NALCN: variants seen among roughly 807,000 people sequenced by gnomAD.
NALCN encodes sodium leak channel, non-selective.
Under a neutral mutation model 225.3 loss-of-function variants are expected in NALCN, and 111 were observed. The ratio of observed to expected loss-of-function variants is 0.49; its 90% confidence interval spans 0.42 to 0.58. The LOEUF is 0.58. Ranked by LOEUF, NALCN falls within the 20% of genes least tolerant of loss-of-function variation. The pLI, the probability that NALCN is intolerant of heterozygous loss-of-function variation, is 0.00. For missense variants in NALCN, 1,378 were observed against 2,202.4 expected (o/e 0.63, Z 7.49); for synonymous variants, 764 against 769.0 (o/e 0.99, Z 0.11).
In NALCN at chr13:101,059,841, G is replaced by A; in HGVS notation, c.4882C>T (p.Gln1628Ter). 1 of 1,614,066 alleles carries A rather than the reference G, an allele frequency of 6.2e-7. No individual in the cohort carries two copies. The highest frequency in any genetic ancestry group is 8.5e-7 in the Non-Finnish European group (1 of 1,180,026). ...QPSEDTNANS[Q>*]DNSMQPETSS... ...ACCTCAGGTTGCATGCTGTTGTCCT[G>A]ACTGTTGGCATTCGTGTCCTCACTG... The change falls in exon 42 of 44, where the codon CAG becomes TAG. Residue 1628 changes from glutamine (Q) to a stop codon, truncating the protein, a stop_gained. Transcript: ENST00000251127. LOFTEE classifies it high-confidence loss of function.
chr13:101,189,200 C>T (rs2039579610), intron 14 of NALCN, among the ~76,000 whole-genome samples: 1 of 151,880 alleles, frequency 6.6e-6, no homozygotes, highest in Non-Finnish European at 1.5e-5. Flanking sequence ...GAAATATGTT[C>T]TAAAAATTGG....
chr13:101,366,101 T>G (rs1019968768), intron 6 of NALCN, among the ~76,000 whole-genome samples: 3 of 152,158 alleles, frequency 2.0e-5, no homozygotes, highest in Non-Finnish European at 4.4e-5. Flanking sequence ...ACAGTTGGTA[T>G]TTCACAACAC....
chr13:101,135,614 G>A (rs550994869), intron 17 of NALCN, among the ~76,000 whole-genome samples: 3 of 152,174 alleles, frequency 2.0e-5, no homozygotes, highest in East Asian at 3.9e-4. Flanking sequence ...GGATGGTCTC[G>A]AACTCCTGAG....
chr13:101,236,657 C>A (rs554914385), intron 12 of NALCN, among the ~76,000 whole-genome samples: 1 of 150,818 alleles, frequency 6.6e-6, no homozygotes, highest in African/African-American at 2.4e-5. Flanking sequence ...AGTAAACTAT[C>A]GCAAGAACAA....
intron 1 of NALCN, among the ~76,000 whole-genome samples, chr13:101,414,504 T>A (rs531299634): frequency 1.3e-5 from 2 of 151,502 alleles, no homozygotes; most frequent in African/African-American, 4.9e-5. Context: ...ATAAAACAAA[T>A]GTGTACATTT....
intron 26 of NALCN, among the ~76,000 whole-genome samples, chr13:101,102,752 T>C (rs2034890393): frequency 6.6e-6 from 1 of 152,238 alleles, no homozygotes; most frequent in Admixed American, 6.5e-5. Context: ...AGACAAATTC[T>C]GTGCTATATT....
At chr13:101,100,760 A>G (rs751885925) in intron 27 of NALCN, 24 bp downstream of exon 27, 4 of 1,575,526 alleles carry the variant, frequency 2.5e-6, no homozygotes, top group Non-Finnish European at 3.4e-6. Flanking sequence ...TTTTTATTTC[A>G]AAAGACAGAA....
At chr13:101,199,504 A>G (rs1383290649) in intron 13 of NALCN, among the ~76,000 whole-genome samples, 1 of 151,704 alleles carries the variant, frequency 6.6e-6, no homozygotes, top group East Asian at 1.9e-4. Context: ...TTGTAGGGAC[A>G]TGGATGAAGC....
chr13:101,148,091 C>T (rs553210732), intron 15 of NALCN, among the ~76,000 whole-genome samples: 33 of 152,048 alleles, frequency 2.2e-4, no homozygotes, highest in Admixed American at 4.6e-4. Flanking sequence ...CAATTTCTTA[C>T]GGGTCAATTG....
chr13:101,254,719 G>A (rs1381453649), intron 11 of NALCN, among the ~76,000 whole-genome samples: 2 of 99,076 alleles, frequency 2.0e-5, no homozygotes, highest in African/African-American at 6.4e-5. Context: ...GTGAAACCCC[G>A]TCTCTACTAA....
chr13:101,377,531 T>A (rs2046728724), intron 4 of NALCN, among the ~76,000 whole-genome samples: 1 of 152,170 alleles, frequency 6.6e-6, no homozygotes. Flanking sequence ...CACATTAATG[T>A]GAGAAACAAT....
chr13:101,277,110 ACT>A (rs1171504084), intron 10 of NALCN, among the ~76,000 whole-genome samples: 1 of 151,994 alleles, frequency 6.6e-6, no homozygotes, highest in African/African-American at 2.4e-5. Context: ...CTCGTAAAAA[ACT>A]CAGCATCACA....
intron 30 of NALCN, 42 bp from the exon 31 acceptor site, chr13:101,083,846 T>G (rs767523946): frequency 6.3e-7 from 1 of 1,588,220 alleles, no homozygotes; most frequent in Non-Finnish European, 8.6e-7. Flanking sequence ...TTTTGTCATG[T>G]GCTTGCACCA....
rs188034775 is a variant in NALCN at position 101,141,645 on chromosome 13, A to G, written c.2118+1435T>C. On this transcript the variant is annotated intron_variant, in intron 17 of 43. Coordinates refer to ENST00000251127, the MANE Select transcript of NALCN (RefSeq NM_052867.4). ...TGAGAAAGAGGAGGAGAAAAGGGGGAGGTGAAAAAGGAGGAAAAAGGGGAG... is the reference window on the plus strand; with the variant it reads ...TGAGAAAGAGGAGGAGAAAAGGGGGGGGTGAAAAAGGAGGAAAAAGGGGAG... Among the ~76,000 whole-genome samples the G allele has an allele frequency of 3.0e-4, 45 of 151,198 alleles. No homozygotes were observed. The East Asian group carries it at 8.4e-3, about 28-fold the overall frequency.
chr13:101,313,114 A>G (rs536872103), intron 7 of NALCN, among the ~76,000 whole-genome samples: 1 of 152,304 alleles, frequency 6.6e-6, no homozygotes, highest in East Asian at 1.9e-4. Flanking sequence ...GGTGCTGGGA[A>G]AACTGGCTAG....
At chr13:101,404,072 C>T (rs1003301033) in intron 1 of NALCN, among the ~76,000 whole-genome samples, 4 of 152,160 alleles carry the variant, frequency 2.6e-5, no homozygotes, top group Non-Finnish European at 5.9e-5. Context: ...CCTCCATGTT[C>T]CTGACATGGA....
At chr13:101,388,416 T>C (rs1356300919) in intron 3 of NALCN, among the ~76,000 whole-genome samples, 4 of 147,478 alleles carry the variant, frequency 2.7e-5, no homozygotes, top group Admixed American at 7.1e-5. Flanking sequence ...CTCTTACAGA[T>C]TGAAAATAAA....
intron 18 of NALCN, among the ~76,000 whole-genome samples, chr13:101,113,025 A>C: frequency 6.6e-6 from 1 of 152,240 alleles, no homozygotes; most frequent in East Asian, 1.9e-4. Flanking sequence ...GATGAAGATA[A>C]TTATGGTGAA....
At chr13:101,377,962 C>T (rs753074623) in intron 4 of NALCN, among the ~76,000 whole-genome samples, 15 of 152,198 alleles carry the variant, frequency 9.9e-5, no homozygotes, top group South Asian at 4.1e-4. Flanking sequence ...TTTTAATGTA[C>T]GTTCCCCATC....
Sources: gnomAD v4.1 joint callset for allele counts (sites outside exome capture counted in the v4.1 genomes callset) on GRCh38, gnomAD v4.1.1 for gene constraint, MANE v1.5 for transcripts, NCBI Gene and HGNC (gene_info 2026-07-23, HGNC 2026-07-21) for gene names.